Variants in PSMA6 observed in about 807,000 individuals in gnomAD.
PSMA6 encodes proteasome subunit alpha type-6.
For synonymous variants in PSMA6, 88 were observed against 97.7 expected (o/e 0.90, Z 0.59); for missense variants, 170 against 294.8 (o/e 0.58, Z 3.10).
chr14:35,299,134 C>A (rs1337322469), intron 1 of PSMA6, among the ~76,000 whole-genome samples: 2 of 152,026 alleles, frequency 1.3e-5, no homozygotes, highest in African/African-American at 4.8e-5. Flanking sequence ...TCAAGAAATT[C>A]TCCTGCCTCA....
intron 1 of PSMA6, among the ~76,000 whole-genome samples, chr14:35,302,300 C>T (rs1018703789): frequency 2.6e-5 from 4 of 152,114 alleles, no homozygotes; most frequent in South Asian, 2.1e-4. Flanking sequence ...TGGGCTCAAG[C>T]GATCCTCCCC....
chr14:35,283,480 A>G (rs1300153364), intron 1 of PSMA6, among the ~76,000 whole-genome samples: 1 of 151,392 alleles, frequency 6.6e-6, no homozygotes, highest in Non-Finnish European at 1.5e-5. Context: ...TGGGTTGTGG[A>G]TGATTTTTAC....
intron 4 of PSMA6, among the ~76,000 whole-genome samples, chr14:35,312,199 T>TAAAA (rs35606504): frequency 1.0e-5 from 1 of 97,420 alleles, no homozygotes; most frequent in Non-Finnish European, 2.0e-5. Flanking sequence ...CCTCGTCTCC[T>TAAAA]AAAAAAAAAA....
chr14:35,302,463 C>A (rs1018499724), intron 1 of PSMA6, among the ~76,000 whole-genome samples: 2 of 152,008 alleles, frequency 1.3e-5, no homozygotes, highest in African/African-American at 4.8e-5. Flanking sequence ...AAAATTTTTT[C>A]TATTTTTGGT....
intron 5 of PSMA6, 96 bp downstream of exon 5, chr14:35,313,155 C>G: frequency 8.6e-7 from 1 of 1,162,820 alleles, no homozygotes; most frequent in South Asian, 1.8e-5. Context: ...GAATTACATC[C>G]CAGGATTCAA....
Position 35,308,088 on chromosome 14 carries a change from T to C in PSMA6, c.171T>C (p.Pro57=), listed in dbSNP as rs1256311167. Residue 57 remains proline, a splice_region_variant and synonymous_variant, in exon 2 of 7, where the codon CCT becomes CCC. Transcript: ENST00000261479. ...CAVIVTQKKV[P]DKLLDSSTVT... ...TAATTGTCACACAGAAGAAAGTACC[T>C]GTAAGTAATACTGCCCAAATAGTTA... The C allele has an allele frequency of 1.9e-6, 3 of 1,613,508 alleles. No individual in the cohort carries two copies. The Middle Eastern group carries it at 5.0e-4, about 266-fold the overall frequency.
At chr14:35,309,422 A>G (rs917106048) in intron 3 of PSMA6, among the ~76,000 whole-genome samples, 5 of 151,970 alleles carry the variant, frequency 3.3e-5, no homozygotes, top group African/African-American at 4.8e-5. Flanking sequence ...GGCCAAGGTG[A>G]GAGGATTGTT....
intron 1 of PSMA6, among the ~76,000 whole-genome samples, chr14:35,285,348 C>CAAA (rs1359907797): frequency 3.8e-4 from 18 of 47,336 alleles, no homozygotes; most frequent in South Asian, 1.6e-3. Flanking sequence ...TCAAAAAAAA[C>CAAA]AAAAAACAAA....
chr14:35,285,440 A>C (rs999860539), intron 1 of PSMA6, among the ~76,000 whole-genome samples: 1 of 152,084 alleles, frequency 6.6e-6, no homozygotes, highest in Non-Finnish European at 1.5e-5. Flanking sequence ...GACTGAAAAT[A>C]TTGGTCAAAA....
chr14:35,280,155 T>A (rs1255959668), intron 1 of PSMA6, among the ~76,000 whole-genome samples: 1 of 151,056 alleles, frequency 6.6e-6, no homozygotes, highest in Non-Finnish European at 1.5e-5. Context: ...GAATGTATTT[T>A]TCGGCCTGGC....
At chr14:35,309,565 G>A (rs1210315450) in intron 3 of PSMA6, among the ~76,000 whole-genome samples, 1 of 152,180 alleles carries the variant, frequency 6.6e-6, no homozygotes, top group Non-Finnish European at 1.5e-5. Flanking sequence ...GCCGAGGCAG[G>A]CGGATCACTT....
intron 1 of PSMA6, among the ~76,000 whole-genome samples, chr14:35,285,600 G>A (rs201644961): frequency 6.6e-6 from 1 of 152,218 alleles, no homozygotes; most frequent in African/African-American, 2.4e-5. Context: ...CCTCAAGGAA[G>A]AGGAAGTGTC....
chr14:35,282,353 G>A (rs988756488), intron 1 of PSMA6, among the ~76,000 whole-genome samples: 1 of 152,008 alleles, frequency 6.6e-6, no homozygotes, highest in Non-Finnish European at 1.5e-5. Flanking sequence ...TCCTGCCTCA[G>A]CCTCCTGAGT....
rs141906161 is a variant in PSMA6, at chr14:35,306,676, C to T, written c.77-1318C>T. On this transcript the variant is annotated intron_variant, in intron 1 of 6. Coordinates refer to ENST00000261479, the MANE Select transcript of PSMA6 (RefSeq NM_002791.3). ...GAGCCAAGATCATGCCACTGCACTC[C>T]AGCCTGGGTGACAGAGCAAGATCTG... Among the ~76,000 whole-genome samples, 655 of 152,282 alleles carry T rather than the reference C, an allele frequency of 4.3e-3. 7 individuals are homozygous for T. Among genetic ancestry groups the T allele is most frequent in the African/African-American group, 0.015 (622 of 41,546 alleles).
intron 3 of PSMA6, among the ~76,000 whole-genome samples, chr14:35,309,217 G>A (rs2051891131): frequency 6.6e-6 from 1 of 152,112 alleles, no homozygotes; most frequent in East Asian, 1.9e-4. Context: ...TGCTGCTGTC[G>A]GAGAAACTGG....
chr14:35,287,110 C>T (rs1025057889), intron 1 of PSMA6, among the ~76,000 whole-genome samples: 2 of 152,150 alleles, frequency 1.3e-5, no homozygotes, highest in African/African-American at 4.8e-5. Context: ...GGTAGCCAAC[C>T]ATAGCTACTG....
chr14:35,278,875 A>G (rs1023674308), intron 1 of PSMA6, among the ~76,000 whole-genome samples: 3 of 151,864 alleles, frequency 2.0e-5, no homozygotes, highest in African/African-American at 4.8e-5. Context: ...TGAGCAGTCT[A>G]TTGCTATTAA....
upstream of PSMA6, among the ~76,000 whole-genome samples, chr14:35,289,295 G>C (rs972926756): frequency 1.3e-5 from 2 of 152,024 alleles, no homozygotes; most frequent in Non-Finnish European, 2.9e-5. Context: ...TTAAATTGTG[G>C]GTGGGCATGA....
In PSMA6 at chr14:35,305,005, TTGAGGCTGTGG is replaced by T. The variant is rs768976791; in HGVS notation, c.77-2984_77-2974del. On this transcript the variant is annotated intron_variant, in intron 1 of 6. Coordinates refer to ENST00000261479, the MANE Select transcript of PSMA6 (RefSeq NM_002791.3). ...AAGTGGGAGGGTCTGAATCAGAAGT[TTGAGGCTGTGG>T]TGAGCTATGATTGTGCCACTGCACT... Among the ~76,000 whole-genome samples, 145 of 152,108 alleles carry T rather than the reference TTGAGGCTGTGG, an allele frequency of 9.5e-4. 1 individual carries two copies. Among genetic ancestry groups the T allele is most frequent in the Non-Finnish European group, 1.3e-3 (88 of 68,014 alleles).
Sources: gnomAD v4.1 joint callset for allele counts (sites outside exome capture counted in the v4.1 genomes callset) on GRCh38, gnomAD v4.1.1 for gene constraint, MANE v1.5 for transcripts, NCBI Gene and HGNC (gene_info 2026-07-23, HGNC 2026-07-21) for gene names.